EYS: variants seen among roughly 807,000 people sequenced by gnomAD.
EYS encodes the protein EGF-like photoreceptor maintenance factor.
EYS carries 250 observed loss-of-function variants against 282.1 expected under a neutral mutation model. The ratio of observed to expected loss-of-function variants is 0.89; its 90% CI spans 0.80 to 0.98. The LOEUF is 0.98. Ranked by LOEUF, EYS falls within the 50% of genes least tolerant of loss-of-function variation. EYS has a pLI of 0.00. For missense variants in EYS, 4,016 were observed against 3,709.0 expected (o/e 1.08, Z -2.15); for synonymous variants, 1,355 against 1,282.9 (o/e 1.06, Z -1.20).
intron 19 of EYS, among the ~76,000 whole-genome samples, chr6:64,845,530 T>TCC (rs1219992129): frequency 6.6e-6 from 1 of 150,532 alleles, no homozygotes; most frequent in Non-Finnish European, 1.5e-5. Context: ...AAATAATCTC[T>TCC]CTCTCTCTCT....
chr6:64,049,080 A>G (rs1562174082), intron 33 of EYS, among the ~76,000 whole-genome samples: 1 of 152,140 alleles, frequency 6.6e-6, no homozygotes, highest in Non-Finnish European at 1.5e-5. Context: ...TCAGTACTTC[A>G]CAGTATAGTA....
intron 31 of EYS, among the ~76,000 whole-genome samples, chr6:64,108,254 A>G (rs1248038003): frequency 6.6e-6 from 1 of 152,110 alleles, no homozygotes; most frequent in African/African-American, 2.4e-5. Flanking sequence ...CAACTTGTCA[A>G]TTACAGTTCA....
At chr6:64,546,523 G>T (rs974870321) in intron 26 of EYS, among the ~76,000 whole-genome samples, 2 of 152,172 alleles carry the variant, frequency 1.3e-5, no homozygotes, top group African/African-American at 4.8e-5. Context: ...TGACAAATGG[G>T]ATCTAATTAA....
At chr6:65,125,766 G>GCCCCA (rs1241484744) in intron 12 of EYS, among the ~76,000 whole-genome samples, 1 of 151,884 alleles carries the variant, frequency 6.6e-6, no homozygotes, top group African/African-American at 2.4e-5. Flanking sequence ...TCCCCTCCTG[G>GCCCCA]CCCCACCTCC....
rs1163522025 is a variant in EYS at position 65,353,478 on chromosome 6, A to C, written c.1439T>G (p.Val480Gly). The change falls in exon 9 of 43, where the codon GTG (valine) becomes GGG (glycine). Residue 480 changes from valine (V) to glycine (G), a missense_variant. Coordinates refer to ENST00000503581, the MANE Select transcript of EYS (RefSeq NM_001142800.2). ...QDKGPAQFEY[V>G]WQLGFAGSEG... is the part of the protein sequence containing the mutation. Reference sequence around the variant, plus strand: ...GTTACCTGCAAATCCCAATTGCCACACATATTCAAATTGAGCAGGACCTTT... The same window carrying C: ...GTTACCTGCAAATCCCAATTGCCACCCATATTCAAATTGAGCAGGACCTTT... The C allele has an allele frequency of 3.7e-6, 6 of 1,613,078 alleles. No individual in the cohort carries two copies. Among genetic ancestry groups the C allele is most frequent in the African/African-American group, 1.3e-5 (1 of 74,902 alleles).
chr6:65,015,870 T>TCA (rs1772029326), intron 13 of EYS, among the ~76,000 whole-genome samples: 1 of 52,012 alleles, frequency 1.9e-5, no homozygotes, highest in African/African-American at 8.4e-5. Flanking sequence ...TCGTCTCTAC[T>TCA]AAAAAAAAAA....
intron 29 of EYS, among the ~76,000 whole-genome samples, chr6:64,356,169 T>C (rs1311620179): frequency 2.6e-5 from 4 of 151,602 alleles, no homozygotes; most frequent in Non-Finnish European, 4.4e-5. Flanking sequence ...TCCATCGCAC[T>C]TGGTGACTTG....
intron 31 of EYS, among the ~76,000 whole-genome samples, chr6:64,127,357 A>C (rs940906523): frequency 6.6e-6 from 1 of 152,184 alleles, no homozygotes; most frequent in Non-Finnish European, 1.5e-5. Flanking sequence ...ACTTACTATC[A>C]TCTAAAAATT....
intron 35 of EYS, among the ~76,000 whole-genome samples, chr6:63,873,802 G>A (rs1772883580): frequency 6.6e-6 from 1 of 152,156 alleles, no homozygotes; most frequent in Non-Finnish European, 1.5e-5. Flanking sequence ...CTTTTGAGAA[G>A]TGTCTGTTCA....
chr6:64,441,002 C>T (rs993012661), intron 26 of EYS, among the ~76,000 whole-genome samples: 2 of 152,030 alleles, frequency 1.3e-5, no homozygotes, highest in South Asian at 4.1e-4. Flanking sequence ...AAAATTGAAG[C>T]AAGAACAAAT....
At chr6:64,800,966 T>C (rs1165870807) in intron 22 of EYS, among the ~76,000 whole-genome samples, 1 of 152,080 alleles carries the variant, frequency 6.6e-6, no homozygotes, top group African/African-American at 2.4e-5. Context: ...TTATCAGTGT[T>C]CAAAATTACT....
intron 30 of EYS, among the ~76,000 whole-genome samples, chr6:64,264,289 A>C (rs1767684598): frequency 6.6e-6 from 1 of 152,134 alleles, no homozygotes; most frequent in Non-Finnish European, 1.5e-5. Flanking sequence ...AATCTGGACT[A>C]GGCTTAGGCG....
rs1437266711 is a variant in EYS, at chr6:65,433,707, ATTAT to A, written c.863-28344_863-28341del. Among the ~76,000 whole-genome samples, 4 of 152,220 alleles carry A rather than the reference ATTAT, an allele frequency of 2.6e-5. No individual in the cohort carries two copies. The East Asian group carries it at 7.7e-4, about 29-fold the overall frequency. ...GTTAATAATTTGATAGCTTTATAAG[ATTAT>A]TTGTTAATAAAAATGGTACTAGAAT... On this transcript the variant is annotated intron_variant, in intron 5 of 42. Transcript: ENST00000503581.
chr6:64,193,333 C>T (rs1029186073), intron 31 of EYS, among the ~76,000 whole-genome samples: 2 of 150,672 alleles, frequency 1.3e-5, no homozygotes, highest in Non-Finnish European at 3.0e-5. Context: ...TTTTTGGAAA[C>T]GGAGTCTCCC....
chr6:65,274,549 T>G (rs1178860673), intron 12 of EYS, among the ~76,000 whole-genome samples: 1 of 152,192 alleles, frequency 6.6e-6, no homozygotes, highest in Non-Finnish European at 1.5e-5. Flanking sequence ...AAGTAGTTTG[T>G]TTTCAGCTGG....
chr6:65,261,495 C>A (rs1767619330), intron 12 of EYS, among the ~76,000 whole-genome samples: 1 of 151,896 alleles, frequency 6.6e-6, no homozygotes, highest in Non-Finnish European at 1.5e-5. Context: ...ATGTTCCAAG[C>A]AATAGTAAAC....
At chr6:65,392,902 G>C (rs895936843) in intron 7 of EYS, among the ~76,000 whole-genome samples, 22 of 152,058 alleles carry the variant, frequency 1.4e-4, no homozygotes, top group African/African-American at 4.3e-4. Context: ...ATTCACAATA[G>C]CAAAGACTTG....
At chr6:64,213,787 C>T (rs1208390125) in intron 31 of EYS, among the ~76,000 whole-genome samples, 3 of 151,988 alleles carry the variant, frequency 2.0e-5, no homozygotes, top group Non-Finnish European at 4.4e-5. Context: ...TGGATTACAC[C>T]TTTTTTATAA....
intron 31 of EYS, among the ~76,000 whole-genome samples, chr6:64,099,256 A>T (rs749791895): frequency 7.9e-5 from 12 of 152,222 alleles, no homozygotes; most frequent in Non-Finnish European, 1.5e-4. Context: ...GAGAATGACA[A>T]TGAATAATAA....
Sources: allele counts gnomAD v4.1 joint callset (sites outside exome capture counted in the v4.1 genomes callset), GRCh38; gene constraint gnomAD v4.1.1; transcripts MANE v1.5; gene names NCBI Gene and HGNC (gene_info 2026-07-23, HGNC 2026-07-21).